The following MAST4 variants were observed in gnomAD, a reference collection of about 807,000 sequenced individuals.
The protein encoded by MAST4 is microtubule-associated serine/threonine-protein kinase 4.
A neutral mutation model predicts 162.7 loss-of-function variants in MAST4; 89 were observed. The observed-to-expected ratio is 0.55, with a 90% CI of 0.46 to 0.65. The LOEUF (loss-of-function observed/expected upper bound fraction) is 0.65. MAST4 is among the 30% of genes least tolerant of loss of function. The pLI, the probability that MAST4 is intolerant of heterozygous loss-of-function variation, is 0.00. For synonymous variants in MAST4, 1,479 were observed against 1,361.1 expected, an observed-to-expected ratio of 1.09 and a Z score of -1.91; for missense variants, 3,153 against 3,374.0, an observed-to-expected ratio of 0.93 and a Z score of 1.62.
chr5:66,604,600 G>T (rs1742759072), intron 1 of MAST4, among the ~76,000 whole-genome samples: 2 of 152,224 alleles, frequency 1.3e-5, no homozygotes, highest in African/African-American at 4.8e-5. Flanking sequence ...GTGGGTAGAT[G>T]ACTGTCTGTT....
chr5:66,900,631 A>C (rs1762949724), intron 4 of MAST4, among the ~76,000 whole-genome samples: 1 of 152,138 alleles, frequency 6.6e-6, no homozygotes, highest in Admixed American at 6.5e-5. Context: ...TTTGTTATCC[A>C]ATAGTACTGT....
chr5:66,651,264 A>T (rs774701402), intron 1 of MAST4, among the ~76,000 whole-genome samples: 1 of 151,840 alleles, frequency 6.6e-6, no homozygotes, highest in South Asian at 2.1e-4. Flanking sequence ...TGAAGTCTGA[A>T]TTTTTACTCT....
At chr5:66,948,491 G>A (rs965010683) in intron 4 of MAST4, among the ~76,000 whole-genome samples, 2 of 151,818 alleles carry the variant, frequency 1.3e-5, no homozygotes, top group East Asian at 1.9e-4. Flanking sequence ...CCCCCTCCTC[G>A]CCAAGCTTAG....
rs528223234 is a variant in MAST4, at chr5:66,932,047, G to A, written c.674+32065G>A. On this transcript the variant is annotated intron_variant, in intron 4 of 28. Coordinates refer to ENST00000403625, the MANE Select transcript of MAST4 (RefSeq NM_001164664.2). The stretch of plus-strand genomic sequence containing the variant: ...ACACTGACTTCCTCCTTCAGTGAAC[G>A]ATCCCTTCTGAATTGCTCTAAATAA... Among the ~76,000 whole-genome samples the A allele has an allele frequency of 3.9e-4, 60 of 152,260 alleles. No homozygotes were observed. In the South Asian group the frequency reaches 0.011, roughly 29 times the overall value.
At position 67,131,877 on chromosome 5, in the gene MAST4, C is replaced by T. The variant is rs545612696; in HGVS notation, c.2019C>T (p.Tyr673=). Residue 673 remains tyrosine, a synonymous_variant, in exon 16 of 29, where the codon TAC becomes TAT. Transcript: ENST00000403625. Reference sequence around the variant, plus strand: ...TCCCTGTTGATATGGCCAGAATGTACTTTGCTGAGACGGTCTTGGCCTTGG... The same window carrying T: ...TCCCTGTTGATATGGCCAGAATGTATTTTGCTGAGACGGTCTTGGCCTTGG... ...GPLPVDMARM[Y]FAETVLALEY... The T allele has an allele frequency of 1.9e-6, 3 of 1,613,272 alleles. No homozygotes were observed. The highest frequency in any genetic ancestry group is 2.2e-5 in the South Asian group (2 of 91,054).
chr5:66,741,380 G>A (rs1057266255), intron 1 of MAST4, among the ~76,000 whole-genome samples: 1 of 152,190 alleles, frequency 6.6e-6, no homozygotes, highest in Non-Finnish European at 1.5e-5. Flanking sequence ...GATGCTCAGT[G>A]AATTTATATA....
At chr5:66,631,127 ATTAG>A (rs1255181519) in intron 1 of MAST4, among the ~76,000 whole-genome samples, 4 of 152,236 alleles carry the variant, frequency 2.6e-5, no homozygotes, top group Admixed American at 6.5e-5. Context: ...AGGTGATCAA[ATTAG>A]TTAGTATTGT....
At chr5:66,785,766 G>A (rs1334569525) in intron 2 of MAST4, among the ~76,000 whole-genome samples, 2 of 152,100 alleles carry the variant, frequency 1.3e-5, no homozygotes, top group East Asian at 1.9e-4. Flanking sequence ...TAAGTGCCAG[G>A]CCCTATAACA....
intron 5 of MAST4, among the ~76,000 whole-genome samples, chr5:67,078,585 AT>A (rs1437340873): frequency 1.4e-5 from 2 of 146,924 alleles, no homozygotes; most frequent in African/African-American, 2.5e-5. Flanking sequence ...AATATGTACA[AT>A]TTTTGTCAAG....
intron 2 of MAST4, among the ~76,000 whole-genome samples, chr5:66,768,924 A>G (rs925323002): frequency 6.6e-6 from 1 of 152,188 alleles, no homozygotes; most frequent in African/African-American, 2.4e-5. Flanking sequence ...ATTGGATTTA[A>G]TGGCTTCATT....
At chr5:66,839,976 T>A (rs75577186) in intron 3 of MAST4, among the ~76,000 whole-genome samples, 52 of 151,858 alleles carry the variant, frequency 3.4e-4, no homozygotes, top group Non-Finnish European at 1.3e-4. Context: ...TTTTTTTTTT[T>A]AAACTGACGC....
intron 3 of MAST4, among the ~76,000 whole-genome samples, chr5:66,815,528 C>T (rs1183564127): frequency 1.2e-4 from 18 of 152,166 alleles, no homozygotes; most frequent in Admixed American, 6.5e-5. Flanking sequence ...TCTGTGGTTT[C>T]GGGCATTCAC....
chr5:67,153,005 A>G, intron 25 of MAST4, 139 bp downstream of exon 25: 1 of 693,410 alleles, frequency 1.4e-6, no homozygotes, highest in Non-Finnish European at 2.5e-6. Flanking sequence ...TTAGAGCTCC[A>G]TCCCTGTATG....
At chr5:67,080,601 A>G (rs923954242) in intron 5 of MAST4, among the ~76,000 whole-genome samples, 2 of 152,200 alleles carry the variant, frequency 1.3e-5, no homozygotes, top group African/African-American at 4.8e-5. Context: ...CCATGTTCCT[A>G]TTATGTATAA....
chr5:67,049,053 A>T (rs1757815766), intron 4 of MAST4, among the ~76,000 whole-genome samples: 1 of 105,640 alleles, frequency 9.5e-6, no homozygotes, highest in African/African-American at 4.0e-5. Flanking sequence ...GTGTATATAT[A>T]TATATACGTA....
rs1371473535 is a variant in MAST4 at position 67,167,662 on chromosome 5, GT to G, written c.*614del. ...AGTTTTTATGTGTATTTTAACCAGA[GT>G]TTCTGATAGTACTGTATCTGGCTAC... On this transcript the variant is annotated 3_prime_UTR_variant, in exon 29 of 29. Transcript: ENST00000403625. The G allele has an allele frequency of 1.3e-4, 20 of 152,226 alleles. No individual in the cohort carries two copies. Among genetic ancestry groups the G allele is most frequent in the Admixed American group, 1.3e-3 (20 of 15,278 alleles). The allele number at this position is 152,226 out of a possible 1,614,324, so 9.4% of individuals were successfully genotyped here. A position where few individuals can be genotyped will look rare whatever the true frequency, so the allele number is the denominator to read the frequency against.
chr5:67,027,842 C>T (rs747481408), intron 4 of MAST4, among the ~76,000 whole-genome samples: 1 of 152,168 alleles, frequency 6.6e-6, no homozygotes, highest in Admixed American at 6.5e-5. Context: ...GGAGATTTCA[C>T]TTGGAGATGA....
At chr5:66,625,905 TAAAGA>T in intron 1 of MAST4, among the ~76,000 whole-genome samples, 1 of 152,152 alleles carries the variant, frequency 6.6e-6, no homozygotes, top group African/African-American at 2.4e-5. Context: ...AACAGATGAG[TAAAGA>T]AAATGTGGTA....
At chr5:66,981,739 A>T (rs1313253038) in intron 4 of MAST4, among the ~76,000 whole-genome samples, 2 of 152,096 alleles carry the variant, frequency 1.3e-5, no homozygotes, top group Non-Finnish European at 2.9e-5. Context: ...TAAATTTGAG[A>T]TTTCATTTTT....
Sources: allele counts gnomAD v4.1 joint callset (sites outside exome capture counted in the v4.1 genomes callset), GRCh38; gene constraint gnomAD v4.1.1; transcripts MANE v1.5; gene names NCBI Gene and HGNC (gene_info 2026-07-23, HGNC 2026-07-21).